The following ZFYVE9 variants were observed in gnomAD, a reference collection of about 807,000 sequenced individuals.
ZFYVE9 encodes the protein zinc finger FYVE-type containing 9.
Under a neutral mutation model 126.7 loss-of-function variants are expected in ZFYVE9, and 43 were observed. That is an observed-to-expected ratio of 0.34 (90% CI 0.27 to 0.44). The LOEUF (loss-of-function observed/expected upper bound fraction) is 0.44, where lower values mean the gene tolerates loss of function less well. Among genes scored for constraint, ZFYVE9 ranks in the 20% least tolerant of loss-of-function variants. The pLI, the probability that ZFYVE9 is intolerant of heterozygous loss-of-function variation, is 1.00. For synonymous variants in ZFYVE9, 521 were observed against 597.4 expected (o/e 0.87, Z 1.87); for missense variants, 1,476 against 1,697.0 (o/e 0.87, Z 2.29).
In ZFYVE9 at chr1:52,274,662, T is replaced by C. The variant is rs972447014; in HGVS notation, c.2746+78T>C. On this transcript the variant is annotated intron_variant, in intron 8 of 18. Coordinates refer to ENST00000287727, the MANE Select transcript of ZFYVE9 (RefSeq NM_004799.4). ...TTCTAATTAAGGTAGAGAGACAGAATTTGAGTGACATTCACCTTTCTCTTA... is the reference window on the plus strand; with the variant it reads ...TTCTAATTAAGGTAGAGAGACAGAACTTGAGTGACATTCACCTTTCTCTTA... 4.2e-6 allele frequency: 6 copies of C among 1,428,666 alleles called. No homozygotes were observed. In the African/African-American group the frequency reaches 8.4e-5, roughly 20 times the overall value. 88.5% of individuals were successfully genotyped at this position (1,428,666 alleles called of 1,614,324 possible). A position where few individuals can be genotyped will look rare whatever the true frequency, so the allele number is the denominator to read the frequency against.
At position 52,294,920 on chromosome 1, in the gene ZFYVE9, T is replaced by A. The variant is rs1450651967; in HGVS notation, c.3251-975T>A. 2.0e-5 allele frequency among the ~76,000 whole-genome samples: 3 copies of A among 152,234 alleles called. No homozygotes were observed. In the East Asian group the frequency reaches 5.8e-4, roughly 29 times the overall value. On this transcript the variant is annotated intron_variant, in intron 11 of 18. Coordinates refer to ENST00000287727, the MANE Select transcript of ZFYVE9 (RefSeq NM_004799.4). ...TAGGAGGTATAGAAGAATGAACTCTTGGCTGAGTGCGGTGGCTCATGCCTC... is the reference window on the plus strand; with the variant it reads ...TAGGAGGTATAGAAGAATGAACTCTAGGCTGAGTGCGGTGGCTCATGCCTC...
At chr1:52,251,443 T>C (rs1645445695) in intron 4 of ZFYVE9, among the ~76,000 whole-genome samples, 1 of 152,172 alleles carries the variant, frequency 6.6e-6, no homozygotes, top group Non-Finnish European at 1.5e-5. Context: ...TTTTTCTGTA[T>C]GAATTGAGAT....
chr1:52,220,444 T>G (rs1645113390), intron 2 of ZFYVE9, among the ~76,000 whole-genome samples: 1 of 152,202 alleles, frequency 6.6e-6, no homozygotes, highest in African/African-American at 2.4e-5. Context: ...CTATGACTAG[T>G]AAATACTTGA....
chr1:52,346,045 C>G lies in ZFYVE9; in HGVS notation c.4117-15C>G, dbSNP rs1646480905. 3 of 1,566,402 alleles carry G rather than the reference C, an allele frequency of 1.9e-6. No homozygotes were observed. Among genetic ancestry groups the G allele is most frequent in the Non-Finnish European group, 2.6e-6 (3 of 1,151,376 alleles). ...CTGTTCAGTAACCTCTCCTCCTTTT[C>G]TCTCTGTGGTATAGGTTGGCTATCA... On this transcript the variant is annotated splice_polypyrimidine_tract_variant and intron_variant, in intron 18 of 18. Transcript: ENST00000287727.
In ZFYVE9 at chr1:52,239,519, A is replaced by G. The variant is rs1169032323; in HGVS notation, c.2102A>G (p.Gln701Arg). The G allele has an allele frequency of 3.1e-6, 5 of 1,614,008 alleles. No homozygotes were observed. The highest frequency in any genetic ancestry group is 1.7e-5 in the Admixed American group (1 of 59,990). The change falls in exon 4 of 19, where the codon CAG (glutamine) becomes CGG (arginine). Residue 701 changes from glutamine (Q) to arginine (R), a missense_variant. Physicochemically the swap from Gln to Arg is conservative, Grantham distance 43. Transcript: ENST00000287727. ...EVAPVWVPDSQAPNCMKCEAR... is the reference protein window; with the variant it reads ...EVAPVWVPDSRAPNCMKCEAR... ...GCTCCAGTATGGGTACCGGATTCTC[A>G]GGCTCCAAATTGCATGAAATGTGAA...
At chr1:52,205,521 GC>G (rs1644970349) in intron 1 of ZFYVE9, among the ~76,000 whole-genome samples, 1 of 149,838 alleles carries the variant, frequency 6.7e-6, no homozygotes, top group African/African-American at 2.5e-5. Context: ...GCACCACCAT[GC>G]CTGGCTAATT....
rs1420128119 is a variant in ZFYVE9 at position 52,268,402 on chromosome 1, T to C, written c.2456-61T>C. The C allele has an allele frequency of 2.6e-6, 4 of 1,544,754 alleles. No homozygotes were observed. The South Asian group carries it at 3.6e-5, about 14-fold the overall frequency. ...CTGGAATTGGTGACCTTCTCTTCTT[T>C]GATGTTAGAAAACCTTCCAATGCCA... On this transcript the variant is annotated intron_variant, in intron 6 of 18. Coordinates refer to ENST00000287727, the MANE Select transcript of ZFYVE9 (RefSeq NM_004799.4).
chr1:52,247,488 T>G (rs1045493425), intron 4 of ZFYVE9, among the ~76,000 whole-genome samples: 1 of 152,130 alleles, frequency 6.6e-6, no homozygotes, highest in African/African-American at 2.4e-5. Context: ...CCATAACAAC[T>G]ATCTCCAGAG....
Position 52,344,772 on chromosome 1 carries a change from T to A in ZFYVE9, c.3944T>A (p.Phe1315Tyr). The A allele has an allele frequency of 6.2e-7, 1 of 1,613,412 alleles. No individual in the cohort carries two copies. Among genetic ancestry groups the A allele is most frequent in the Non-Finnish European group, 8.5e-7 (1 of 1,179,478 alleles). Residue 1315 changes from phenylalanine to tyrosine, a missense_variant, in exon 18 of 19, where the codon TTT becomes TAT. Around this residue, in one of 2 missense-constraint regions of ZFYVE9, gnomAD observed 669 missense variants for 902.4 expected, o/e 0.74. Transcript: ENST00000287727. ...NGKVIRWTEV[F>Y]FLENDDQHNC... ...TCTCTTTTGTTTGGGGAACAGGTGT[T>A]TTTCCTAGAAAACGATGACCAGCAC...
At chr1:52,256,881 C>CACCAGCATAGA (rs760609608) in intron 4 of ZFYVE9, among the ~76,000 whole-genome samples, 1 of 152,174 alleles carries the variant, frequency 6.6e-6, no homozygotes, top group Non-Finnish European at 1.5e-5. Context: ...AACAGCTGGA[C>CACCAGCATAGA]ACTGGTCAGT....
At chr1:52,260,832 CT>C (rs1363832363) in intron 4 of ZFYVE9, among the ~76,000 whole-genome samples, 2 of 151,984 alleles carry the variant, frequency 1.3e-5, no homozygotes, top group Admixed American at 1.3e-4. Context: ...AAAAAAAATG[CT>C]TAAGGGCTTT....
At chr1:52,211,504 A>G (rs1324543553) in intron 1 of ZFYVE9, among the ~76,000 whole-genome samples, 1 of 152,216 alleles carries the variant, frequency 6.6e-6, no homozygotes, top group Non-Finnish European at 1.5e-5. Flanking sequence ...GAGTTTGAAC[A>G]CTTTGTCAGA....
At chr1:52,287,319 G>A (rs1429982137) in intron 10 of ZFYVE9, among the ~76,000 whole-genome samples, 1 of 152,072 alleles carries the variant, frequency 6.6e-6, no homozygotes, top group Non-Finnish European at 1.5e-5. Context: ...CACCATGTTA[G>A]CCAGGCTGGT....
chr1:52,180,919 G>A (rs1644693567), intron 1 of ZFYVE9, among the ~76,000 whole-genome samples: 1 of 141,720 alleles, frequency 7.1e-6, no homozygotes, highest in African/African-American at 2.7e-5. Flanking sequence ...AGGTTGCAGT[G>A]AGCTGAATCA....
chr1:52,243,939 G>T (rs1190215155), intron 4 of ZFYVE9, among the ~76,000 whole-genome samples: 6 of 152,134 alleles, frequency 3.9e-5, no homozygotes. Flanking sequence ...CAGTTGCCAA[G>T]GAGTGAGCGG....
chr1:52,266,160 G>A (rs570098707), intron 5 of ZFYVE9, among the ~76,000 whole-genome samples: 1 of 151,986 alleles, frequency 6.6e-6, no homozygotes, highest in Admixed American at 6.6e-5. Context: ...GTGCAGTGGT[G>A]TGACTTGGCT....
intron 4 of ZFYVE9, among the ~76,000 whole-genome samples, chr1:52,262,933 A>G (rs1009566335): frequency 1.3e-5 from 2 of 151,934 alleles, no homozygotes; most frequent in Non-Finnish European, 2.9e-5. Context: ...AAAATTAGCC[A>G]GGCGTGGTGG....
At position 52,269,616 on chromosome 1, in the gene ZFYVE9, G is replaced by T. The variant is rs557687235; in HGVS notation, c.2625+984G>T. Among the ~76,000 whole-genome samples, 3 of 152,246 alleles carry T rather than the reference G, an allele frequency of 2.0e-5. No individual in the cohort carries two copies. In the East Asian group the frequency reaches 5.8e-4, roughly 29 times the overall value. ...CATGCAGAGCTGACTTACCTGTTTG[G>T]TGAGTTATTGAACCATGTAATATCT... On this transcript the variant is annotated intron_variant, in intron 7 of 18. Transcript: ENST00000287727.
intron 7 of ZFYVE9, among the ~76,000 whole-genome samples, chr1:52,274,258 CT>C (rs1645723145): frequency 6.6e-6 from 1 of 152,068 alleles, no homozygotes; most frequent in Non-Finnish European, 1.5e-5. Flanking sequence ...AAAGGAGAAA[CT>C]TACACATTTG....
Sources: gnomAD v4.1 joint callset for allele counts (sites outside exome capture counted in the v4.1 genomes callset) on GRCh38, gnomAD v4.1.1 for gene constraint, gnomAD v4.1.1 regional missense constraint, MANE v1.5 for transcripts, NCBI Gene and HGNC (gene_info 2026-07-23, HGNC 2026-07-21) for gene names.